Variants in CHD2 observed in about 807,000 individuals in gnomAD.
The protein encoded by CHD2 is ATP-dependent chromatin remodeler CHD2.
A neutral mutation model predicts 243.9 loss-of-function variants in CHD2; 28 were observed. The ratio of observed to expected loss-of-function variants is 0.11; its 90% CI spans 0.09 to 0.16. The LOEUF (loss-of-function observed/expected upper bound fraction) is 0.16, where lower values mean the gene tolerates loss of function less well. CHD2 is among the 10% of genes least tolerant of loss of function. The probability of loss-of-function intolerance (pLI) is 1.00; values close to 1 mark genes in which losing one functional copy is unlikely to be tolerated. For missense variants in CHD2, 1,386 were observed against 2,209.8 expected (o/e 0.63, Z 7.47); for synonymous variants, 775 against 779.0 (o/e 0.99, Z 0.09).
chr15:93,004,280 T>C (rs1288504407), intron 33 of CHD2, among the ~76,000 whole-genome samples: 2 of 152,236 alleles, frequency 1.3e-5, no homozygotes, highest in African/African-American at 4.8e-5. Flanking sequence ...GGTTGCTACA[T>C]GATACTCTAG....
chr15:92,945,994 T>C (rs577794941), intron 11 of CHD2, 44 bp from the exon 12 acceptor site: 98 of 1,521,798 alleles, frequency 6.4e-5, no homozygotes, highest in Non-Finnish European at 8.5e-5. Flanking sequence ...TTTTCACTTT[T>C]AATTGACAGT....
At chr15:92,910,292 G>A (rs1463178058) in intron 2 of CHD2, among the ~76,000 whole-genome samples, 3 of 152,140 alleles carry the variant, frequency 2.0e-5, no homozygotes, top group Non-Finnish European at 4.4e-5. Flanking sequence ...AGTCAGTATA[G>A]CAAAAATGTT....
At chr15:92,954,137 T>G (rs1257817897) in intron 14 of CHD2, 1 of 153,148 alleles carries the variant, frequency 6.5e-6, no homozygotes, top group African/African-American at 2.4e-5. Context: ...GCAGATCTTT[T>G]CTTTATAGTA....
At chr15:92,956,107 A>C (rs1250485373) in intron 15 of CHD2, among the ~76,000 whole-genome samples, 2 of 152,148 alleles carry the variant, frequency 1.3e-5, no homozygotes, top group Non-Finnish European at 2.9e-5. Flanking sequence ...GTTGGGGTGG[A>C]GAATAGGCAA....
At chr15:92,996,652 T>A (rs531274258) in intron 28 of CHD2, among the ~76,000 whole-genome samples, 1 of 152,236 alleles carries the variant, frequency 6.6e-6, no homozygotes, top group East Asian at 1.9e-4. Context: ...ACTAATATTA[T>A]ACCCTCAGAA....
rs762923140 is a variant in CHD2 at position 92,953,495 on chromosome 15, A to G, written c.1641A>G (p.Ser547=). 2.4e-5 allele frequency: 38 copies of G among 1,613,968 alleles called. No homozygotes were observed. The highest frequency in any genetic ancestry group is 1.6e-4 in the Middle Eastern group (1 of 6,084). Residue 547 remains serine (S), a synonymous_variant, in exon 14 of 39, where the codon TCA becomes TCG. Coordinates refer to ENST00000394196, the MANE Select transcript of CHD2 (RefSeq NM_001271.4). ...LIVVPLSTLT[S]WQREFEIWAP... is the part of the protein sequence containing the mutation. ...TCGTCCCTTTATCCACCCTCACCTC[A>G]TGGCAGAGAGAGTTTGAAATCTGGG... is the stretch of plus-strand genomic sequence containing the variant.
At chr15:92,926,233 A>T (rs968908525) in intron 3 of CHD2, among the ~76,000 whole-genome samples, 1 of 152,154 alleles carries the variant, frequency 6.6e-6, no homozygotes. Context: ...TGGACCTCCC[A>T]GGGTGGTGGG....
rs1436385317 is a variant in CHD2 at position 93,025,382 on chromosome 15, T to C, written c.*677T>C. On this transcript the variant is annotated 3_prime_UTR_variant, in exon 39 of 39. Transcript: ENST00000394196. ...CTGCTTCATCTCTGCCAACACTAAT[T>C]TTTCCCACACTGTCTTTGTACATTT... 6.5e-6 allele frequency: 1 copy of C among 152,680 alleles called. No homozygotes were observed. The highest frequency in any genetic ancestry group is 1.9e-4 in the East Asian group (1 of 5,200). The allele number at this position is 152,680 out of a possible 1,614,324, so 9.5% of individuals were successfully genotyped here.
Position 92,942,801 on chromosome 15 carries a change from G to C in CHD2, c.827-42G>C, listed in dbSNP as rs376255838. On this transcript the variant is annotated intron_variant, in intron 8 of 38. Transcript: ENST00000394196. ...TTCTTGGGAAGCTTTTTAATATCTG[G>C]TGTAATATACTCTCTTTCAAGTGTA... The C allele has an allele frequency of 1.8e-5, 26 of 1,473,592 alleles. No individual in the cohort carries two copies. The African/African-American group carries it at 2.7e-4, about 15-fold the overall frequency. The allele number at this position is 1,473,592 out of a possible 1,614,324, so 91.3% of individuals were successfully genotyped here. A position where few individuals can be genotyped will look rare whatever the true frequency, so the allele number is the denominator to read the frequency against.
intron 38 of CHD2, chr15:93,020,617 C>G: frequency 4.5e-6 from 2 of 442,070 alleles, no homozygotes; most frequent in Non-Finnish European, 8.1e-6. Flanking sequence ...ACAGTCCTTA[C>G]CTGCCACGAG....
chr15:92,927,667 C>T (rs2053088614), intron 4 of CHD2, among the ~76,000 whole-genome samples: 2 of 152,088 alleles, frequency 1.3e-5, no homozygotes, highest in South Asian at 4.1e-4. Context: ...TCTAAATCTC[C>T]TAGATATTTA....
chr15:92,900,410 T>C lies in CHD2; in HGVS notation c.-486T>C, dbSNP rs887233700. ...GCCTTTGCCTCACTTTACGCAACTT[T>C]CCCTAACTTTCGGGCAGCCTCAGGG... On this transcript the variant is annotated 5_prime_UTR_variant, in exon 1 of 39. Coordinates refer to ENST00000394196, the MANE Select transcript of CHD2 (RefSeq NM_001271.4). 5.1e-6 allele frequency: 2 copies of C among 395,328 alleles called. No homozygotes were observed. Among genetic ancestry groups the C allele is most frequent in the Non-Finnish European group, 8.9e-6 (2 of 224,404 alleles). The allele number at this position is 395,328 out of a possible 1,614,324, so 24.5% of individuals were successfully genotyped here.
intron 33 of CHD2, among the ~76,000 whole-genome samples, chr15:93,002,541 T>A (rs1172917649): frequency 6.6e-6 from 1 of 152,200 alleles, no homozygotes. Flanking sequence ...CTTTACTTGG[T>A]CTTTTATGAC....
intron 17 of CHD2, among the ~76,000 whole-genome samples, chr15:92,970,329 C>G (rs550386637): frequency 6.6e-6 from 1 of 152,054 alleles, no homozygotes; most frequent in African/African-American, 2.4e-5. Context: ...AGCCTCCCGA[C>G]TAGCTGGGAT....
At chr15:92,970,421 G>A (rs1283140419) in intron 17 of CHD2, among the ~76,000 whole-genome samples, 2 of 152,074 alleles carry the variant, frequency 1.3e-5, no homozygotes, top group Non-Finnish European at 2.9e-5. Flanking sequence ...GGCTGGTCTC[G>A]AACTCCCAAC....
chr15:93,008,992 A>T (rs2054357043), intron 34 of CHD2, among the ~76,000 whole-genome samples, 153 bp from the exon 35 acceptor site: 1 of 152,146 alleles, frequency 6.6e-6, no homozygotes, highest in African/African-American at 2.4e-5. Context: ...TTGAATACTT[A>T]CACTTACTCC....
intron 3 of CHD2, among the ~76,000 whole-genome samples, chr15:92,926,085 CCTCAGCCTCCCAA>C (rs1341707836): frequency 6.6e-6 from 1 of 152,154 alleles, no homozygotes; most frequent in Non-Finnish European, 1.5e-5. Context: ...GATCCTCCCA[CCTCAGCCTCCCAA>C]GTAGCTGGGA....
At chr15:92,905,027 C>T in intron 2 of CHD2, 1 of 1,526,432 alleles carries the variant, frequency 6.6e-7, no homozygotes, top group Non-Finnish European at 8.8e-7. Context: ...GTGCTAAGTA[C>T]TATATATTTA....
At chr15:92,912,432 C>A (rs1257363950) in intron 2 of CHD2, among the ~76,000 whole-genome samples, 4 of 152,252 alleles carry the variant, frequency 2.6e-5, no homozygotes, top group African/African-American at 9.6e-5. Context: ...TCTCGGCTTA[C>A]TGTAACCTCT....
Sources: gnomAD v4.1 joint callset for allele counts (sites outside exome capture counted in the v4.1 genomes callset) on GRCh38, gnomAD v4.1.1 for gene constraint, MANE v1.5 for transcripts, NCBI Gene and HGNC (gene_info 2026-07-23, HGNC 2026-07-21) for gene names.